Variants in ST6GAL1 observed in about 807,000 individuals in gnomAD.
ST6GAL1 encodes beta-galactoside alpha-2,6-sialyltransferase 1.
ST6GAL1 carries 20 observed loss-of-function variants against 38.0 expected under a neutral mutation model. The observed-to-expected ratio is 0.53, with a 90% confidence interval of 0.37 to 0.77. The LOEUF (loss-of-function observed/expected upper bound fraction) is 0.77, where lower values mean the gene tolerates loss of function less well. Ranked by LOEUF, ST6GAL1 falls within the 30% of genes least tolerant of loss-of-function variation. The pLI, the probability that ST6GAL1 is intolerant of heterozygous loss-of-function variation, is 0.00. For synonymous variants in ST6GAL1, 196 were observed against 188.2 expected (o/e 1.04, Z -0.34); for missense variants, 432 against 496.4 (o/e 0.87, Z 1.23).
At chr3:186,984,807 CCTT>C (rs1715841732) in intron 2 of ST6GAL1, among the ~76,000 whole-genome samples, 12 of 42,912 alleles carry the variant, frequency 2.8e-4, no homozygotes, top group African/African-American at 8.7e-4. Flanking sequence ...TTCCTTCCAT[CCTT>C]CCTTCCTTCC....
At chr3:187,019,118 C>T (rs1717212477) in intron 2 of ST6GAL1, among the ~76,000 whole-genome samples, 1 of 152,110 alleles carries the variant, frequency 6.6e-6, no homozygotes, top group Admixed American at 6.5e-5. Context: ...TAAAGTTAGT[C>T]GACAACATCT....
intron 2 of ST6GAL1, among the ~76,000 whole-genome samples, chr3:187,009,561 G>T (rs866379389): frequency 6.6e-6 from 1 of 152,238 alleles, no homozygotes; most frequent in African/African-American, 2.4e-5. Context: ...GAGCCCAGGA[G>T]CTCAAGGCTG....
intron 1 of ST6GAL1, among the ~76,000 whole-genome samples, chr3:186,962,254 T>A (rs1237993025): frequency 6.6e-6 from 1 of 152,170 alleles, no homozygotes; most frequent in Non-Finnish European, 1.5e-5. Context: ...TCTAAGGGTT[T>A]CTTTCCCCTG....
At chr3:186,965,226 G>A (rs1041104872) in intron 2 of ST6GAL1, among the ~76,000 whole-genome samples, 2 of 152,186 alleles carry the variant, frequency 1.3e-5, no homozygotes, top group African/African-American at 4.8e-5. Flanking sequence ...GTTGGTCAGA[G>A]AAGTGTGAAA....
At chr3:187,054,930 C>G (rs1031789218) in intron 5 of ST6GAL1, among the ~76,000 whole-genome samples, 2 of 152,078 alleles carry the variant, frequency 1.3e-5, no homozygotes, top group African/African-American at 4.8e-5. Flanking sequence ...TGGTCCTGGA[C>G]TTTTTTTGGT....
chr3:186,935,775 A>G (rs565434272), intron 1 of ST6GAL1, among the ~76,000 whole-genome samples: 3 of 152,296 alleles, frequency 2.0e-5, no homozygotes, highest in Admixed American at 2.0e-4. Context: ...TCATGTGCTC[A>G]GATTAGAAGA....
At chr3:187,057,553 C>G (rs925000012) in intron 5 of ST6GAL1, among the ~76,000 whole-genome samples, 1 of 152,318 alleles carries the variant, frequency 6.6e-6, no homozygotes. Flanking sequence ...GGTCCCTCAG[C>G]TGCAGGTCTG....
intron 1 of ST6GAL1, among the ~76,000 whole-genome samples, chr3:186,943,824 G>GTGTTGA (rs1430194420): frequency 6.6e-6 from 1 of 152,236 alleles, no homozygotes; most frequent in Non-Finnish European, 1.5e-5. Context: ...GACCGTGAGT[G>GTGTTGA]TGTTGAGTTG....
chr3:187,066,601 CGTGTGTGTGTGT>C (rs3055152), intron 5 of ST6GAL1, among the ~76,000 whole-genome samples: 24 of 148,834 alleles, frequency 1.6e-4, no homozygotes, highest in Non-Finnish European at 3.3e-4. Flanking sequence ...TGCGTGCGTG[CGTGTGTGTGTGT>C]GTGTGTGTGT....
At position 187,077,521 on chromosome 3, in the gene ST6GAL1, G is replaced by A. The variant is rs1410314620; in HGVS notation, c.*1718G>A. The A allele has an allele frequency of 6.6e-6, 1 of 152,402 alleles. No individual in the cohort carries two copies. Among genetic ancestry groups the A allele is most frequent in the Non-Finnish European group, 1.5e-5 (1 of 68,180 alleles). The allele number at this position is 152,402 out of a possible 1,614,324, so 9.4% of individuals were successfully genotyped here. ...TTATGTAGCTAGAAAGGGCCCTGGA[G>A]TGAGAAAGCCTGGATTTTCAAATTG... is the stretch of plus-strand genomic sequence containing the variant. On this transcript the variant is annotated 3_prime_UTR_variant, in exon 8 of 8. Transcript: ENST00000169298.
intron 5 of ST6GAL1, among the ~76,000 whole-genome samples, chr3:187,061,819 G>A (rs4012248): frequency 0.082 from 12,519 of 152,030 alleles, 668 homozygotes; most frequent in African/African-American, 0.15. Context: ...CAATGATTTC[G>A]TCATTATTAC....
intron 2 of ST6GAL1, among the ~76,000 whole-genome samples, chr3:186,994,147 A>G (rs1716282449): frequency 6.6e-6 from 1 of 152,182 alleles, no homozygotes; most frequent in South Asian, 2.1e-4. Context: ...CTACTCAGCA[A>G]CTTTTTTAAA....
At chr3:186,955,564 G>A (rs1560140890) in intron 1 of ST6GAL1, among the ~76,000 whole-genome samples, 1 of 151,860 alleles carries the variant, frequency 6.6e-6, no homozygotes. Flanking sequence ...GTGCAGTGGT[G>A]TGATCTTGGC....
chr3:186,967,287 G>A (rs1715172185), intron 2 of ST6GAL1, among the ~76,000 whole-genome samples: 1 of 152,180 alleles, frequency 6.6e-6, no homozygotes, highest in Non-Finnish European at 1.5e-5. Context: ...CGCCTCCTGG[G>A]TTCAAGCGAG....
chr3:187,002,771 G>A (rs115280579), intron 2 of ST6GAL1, among the ~76,000 whole-genome samples: 2,072 of 152,284 alleles, frequency 0.014, 24 homozygotes, highest in Middle Eastern at 0.044. Context: ...TAGCATGTAT[G>A]TGTGTGTGCA....
At chr3:187,052,874 C>T (rs1432552166) in intron 5 of ST6GAL1, among the ~76,000 whole-genome samples, 1 of 152,232 alleles carries the variant, frequency 6.6e-6, no homozygotes, top group African/African-American at 2.4e-5. Context: ...AATTGCCATA[C>T]TGTCTTCCAC....
intron 4 of ST6GAL1, among the ~76,000 whole-genome samples, chr3:187,046,622 G>A (rs1227864055): frequency 6.6e-6 from 1 of 152,194 alleles, no homozygotes; most frequent in Non-Finnish European, 1.5e-5. Flanking sequence ...AAAGGGGGAT[G>A]GAGTTTGAGG....
chr3:187,024,856 C>G (rs1273616408), intron 2 of ST6GAL1: 3 of 152,044 alleles, frequency 2.0e-5, no homozygotes, highest in Non-Finnish European at 4.4e-5. Context: ...CCCTTTTGAG[C>G]AGGTTAGTGT....
intron 2 of ST6GAL1, among the ~76,000 whole-genome samples, chr3:187,009,497 T>C (rs1324840085): frequency 6.6e-6 from 1 of 152,124 alleles, no homozygotes; most frequent in African/African-American, 2.4e-5. Flanking sequence ...CTGAGTGTGG[T>C]GGTGTGTGCC....
Sources: gnomAD v4.1 joint callset for allele counts (sites outside exome capture counted in the v4.1 genomes callset) on GRCh38, gnomAD v4.1.1 for gene constraint, MANE v1.5 for transcripts, NCBI Gene and HGNC (gene_info 2026-07-23, HGNC 2026-07-21) for gene names.